LRRC4C: variants seen among roughly 807,000 people sequenced by gnomAD.
The protein encoded by LRRC4C is leucine rich repeat containing 4C.
A neutral mutation model predicts 33.6 loss-of-function variants in LRRC4C; 5 were observed. That is an observed-to-expected ratio of 0.15 (90% CI 0.08 to 0.31). The LOEUF is 0.31. LRRC4C is among the 10% of genes least tolerant of loss of function. The pLI, the probability that LRRC4C is intolerant of heterozygous loss-of-function variation, is 1.00. For synonymous variants in LRRC4C, 329 were observed against 302.0 expected (o/e 1.09, Z -0.93); for missense variants, 560 against 796.7 (o/e 0.70, Z 3.58).
intron 1 of LRRC4C, among the ~76,000 whole-genome samples, chr11:41,193,819 C>A (rs1394831942): frequency 6.6e-6 from 1 of 151,564 alleles, no homozygotes; most frequent in African/African-American, 2.4e-5. Flanking sequence ...TTTTTTTAAC[C>A]ATATGGACCC....
chr11:40,418,718 C>T (rs1006444537), intron 3 of LRRC4C, among the ~76,000 whole-genome samples: 1 of 152,170 alleles, frequency 6.6e-6, no homozygotes, highest in Non-Finnish European at 1.5e-5. Flanking sequence ...CCCAAATGCC[C>T]ATCAATGATA....
intron 1 of LRRC4C, among the ~76,000 whole-genome samples, chr11:40,957,311 A>G (rs911462541): frequency 6.6e-6 from 1 of 151,720 alleles, no homozygotes; most frequent in Non-Finnish European, 1.5e-5. Context: ...TATCACAGGT[A>G]AAACATTTCT....
chr11:41,445,866 A>ATGTGTGTGTGTGTG (rs35999139), intron 1 of LRRC4C, among the ~76,000 whole-genome samples: 1,566 of 149,800 alleles, frequency 0.01, 23 homozygotes, highest in African/African-American at 0.035. Context: ...GAGTGACTGC[A>ATGTGTGTGTGTGTG]TGTGTGTGTG....
intron 1 of LRRC4C, among the ~76,000 whole-genome samples, chr11:40,960,229 A>G (rs1016274408): frequency 6.6e-6 from 1 of 151,804 alleles, no homozygotes; most frequent in Non-Finnish European, 1.5e-5. Flanking sequence ...AAATTGCATT[A>G]TAAAGTCTTT....
chr11:40,309,087 A>G (rs1417138880), intron 4 of LRRC4C, among the ~76,000 whole-genome samples: 1 of 152,204 alleles, frequency 6.6e-6, no homozygotes, highest in East Asian at 1.9e-4. Flanking sequence ...ATTGTAGCAT[A>G]TTCACGGTTA....
At chr11:40,869,265 C>T (rs750957596) in intron 2 of LRRC4C, among the ~76,000 whole-genome samples, 4 of 152,034 alleles carry the variant, frequency 2.6e-5, no homozygotes, top group Non-Finnish European at 5.9e-5. Flanking sequence ...AATCAGCTTT[C>T]AAGAATAACA....
rs138943679 is a variant in LRRC4C, at chr11:40,889,091, C to A, written c.-407+44544G>T. 4.3e-3 allele frequency among the ~76,000 whole-genome samples: 659 copies of A among 152,058 alleles called. 3 individuals carry two copies. Among genetic ancestry groups the A allele is most frequent in the African/African-American group, 0.014 (577 of 41,540 alleles). ...AGCTATTCCACTGTAGGAACTCATG[C>A]TAATAAAATAATTTAGAATGTGCCC... On this transcript the variant is annotated intron_variant, in intron 2 of 6. Transcript: ENST00000528697.
chr11:40,418,892 T>G (rs562242872), intron 3 of LRRC4C, among the ~76,000 whole-genome samples: 36 of 152,284 alleles, frequency 2.4e-4, no homozygotes, highest in African/African-American at 8.2e-4. Context: ...AAACACCACA[T>G]GTTCTCACTT....
intron 4 of LRRC4C, among the ~76,000 whole-genome samples, chr11:40,281,046 G>A (rs934685433): frequency 6.6e-6 from 1 of 152,174 alleles, no homozygotes; most frequent in Non-Finnish European, 1.5e-5. Context: ...GGATGAAGGC[G>A]GATAGGGATG....
At chr11:40,912,270 G>GA (rs1394584675) in intron 2 of LRRC4C, among the ~76,000 whole-genome samples, 1 of 151,994 alleles carries the variant, frequency 6.6e-6, no homozygotes, top group African/African-American at 2.4e-5. Context: ...TGAAATGAAG[G>GA]AAAAAATGTT....
chr11:40,597,286 T>C lies in LRRC4C; in HGVS notation c.-270+50856A>G, dbSNP rs189162784. Among the ~76,000 whole-genome samples, 158 of 152,234 alleles carry C rather than the reference T, an allele frequency of 1.0e-3. 1 individual carries two copies. The highest frequency in any genetic ancestry group is 3.2e-3 in the African/African-American group (133 of 41,556). On this transcript the variant is annotated intron_variant, in intron 3 of 6. Coordinates refer to ENST00000528697, the MANE Select transcript of LRRC4C (RefSeq NM_001258419.2). ...AGTCAAGAAATTAAGCTATAGACAA[T>C]AGACAAGTGAATTGACTAATCCAAG... is the stretch of plus-strand genomic sequence containing the variant.
intron 3 of LRRC4C, among the ~76,000 whole-genome samples, chr11:40,608,099 C>T (rs1431838063): frequency 2.0e-5 from 3 of 151,998 alleles, no homozygotes; most frequent in South Asian, 4.1e-4. Flanking sequence ...TAGAAGAATA[C>T]AGAATACTAA....
chr11:41,104,463 C>T (rs1367030437), intron 1 of LRRC4C, among the ~76,000 whole-genome samples: 1 of 151,822 alleles, frequency 6.6e-6, no homozygotes, highest in African/African-American at 2.4e-5. Context: ...GAGATAATAA[C>T]TAGTGTTTTC....
intron 2 of LRRC4C, among the ~76,000 whole-genome samples, chr11:40,670,015 A>AT (rs948510200): frequency 4.6e-5 from 7 of 152,266 alleles, no homozygotes; most frequent in African/African-American, 1.7e-4. Context: ...TTATAGCTTT[A>AT]TTTTTTGCCA....
intron 1 of LRRC4C, among the ~76,000 whole-genome samples, chr11:41,060,675 G>GAT (rs764094790): frequency 4.6e-5 from 7 of 152,084 alleles, no homozygotes; most frequent in Admixed American, 3.3e-4. Context: ...AGGGCTTCAA[G>GAT]ATATATATAT....
intron 1 of LRRC4C, among the ~76,000 whole-genome samples, chr11:40,980,649 G>T (rs371811705): frequency 6.6e-6 from 1 of 152,102 alleles, no homozygotes; most frequent in African/African-American, 2.4e-5. Context: ...ATACTTGCGG[G>T]TTATGGTTAG....
intron 1 of LRRC4C, among the ~76,000 whole-genome samples, chr11:41,119,269 T>G (rs1942302366): frequency 1.3e-5 from 2 of 152,176 alleles, no homozygotes; most frequent in Admixed American, 6.5e-5. Context: ...GTGAGATAGC[T>G]ACTGCAATCA....
intron 2 of LRRC4C, among the ~76,000 whole-genome samples, chr11:40,679,127 A>T (rs1944554316): frequency 6.6e-6 from 1 of 152,180 alleles, no homozygotes; most frequent in Non-Finnish European, 1.5e-5. Context: ...GTTTTAGCAA[A>T]GAGACTGGCA....
intron 1 of LRRC4C, among the ~76,000 whole-genome samples, chr11:41,343,132 C>T (rs777345608): frequency 3.3e-5 from 5 of 152,208 alleles, no homozygotes; most frequent in Non-Finnish European, 5.9e-5. Flanking sequence ...TTACTTATAT[C>T]TGTATAAAAC....
Sources: allele counts gnomAD v4.1 joint callset (sites outside exome capture counted in the v4.1 genomes callset), GRCh38; gene constraint gnomAD v4.1.1; transcripts MANE v1.5; gene names NCBI Gene and HGNC (gene_info 2026-07-23, HGNC 2026-07-21).